Variants in FMN2 observed in about 807,000 individuals in gnomAD.
The protein encoded by FMN2 is formin 2, also known as formin-2.
FMN2 carries 51 observed loss-of-function variants against 142.3 expected under a neutral mutation model. That is an observed-to-expected ratio of 0.36 (90% CI 0.29 to 0.45). The LOEUF is 0.45. Ranked by LOEUF, FMN2 falls within the 20% of genes least tolerant of loss-of-function variation. The probability of loss-of-function intolerance (pLI) is 1.00; values close to 1 mark genes in which losing one functional copy is unlikely to be tolerated. For synonymous variants in FMN2, 882 were observed against 869.8 expected (o/e 1.01, Z -0.25); for missense variants, 1,936 against 2,122.8 (o/e 0.91, Z 1.73).
chr1:240,330,938 G>A (rs1671353555), intron 11 of FMN2, among the ~76,000 whole-genome samples, 189 bp downstream of exon 11: 1 of 152,008 alleles, frequency 6.6e-6, no homozygotes, highest in Non-Finnish European at 1.5e-5. Flanking sequence ...TTCCTAAAGT[G>A]AATAATTTTC....
chr1:240,448,733 A>T (rs2103203063), intron 16 of FMN2, among the ~76,000 whole-genome samples: 1 of 152,260 alleles, frequency 6.6e-6, no homozygotes, highest in East Asian at 1.9e-4. Context: ...AGGCAGGAGA[A>T]TCACTTGAGC....
intron 2 of FMN2, among the ~76,000 whole-genome samples, chr1:240,151,965 C>G (rs1663797389): frequency 6.6e-6 from 1 of 151,924 alleles, no homozygotes; most frequent in Non-Finnish European, 1.5e-5. Flanking sequence ...TGGGGTTTTG[C>G]CATGTTGCCC....
intron 2 of FMN2, chr1:240,143,397 C>T (rs866871694): frequency 4.5e-5 from 64 of 1,431,662 alleles, no homozygotes; most frequent in Non-Finnish European, 5.9e-5. Context: ...CAATCTCCCC[C>T]ACAGCAATAA....
chr1:240,196,219 T>C lies in FMN2; in HGVS notation c.1986+7957T>C, dbSNP rs114582145. Among the ~76,000 whole-genome samples the C allele has an allele frequency of 1.8e-3, 270 of 152,306 alleles. 3 individuals are homozygous for C. The highest frequency in any genetic ancestry group is 6.2e-3 in the African/African-American group (258 of 41,568). On this transcript the variant is annotated intron_variant, in intron 4 of 17. Transcript: ENST00000319653. The stretch of plus-strand genomic sequence containing the variant: ...AAGGAACAATTACCTGGCAAGGGAA[T>C]GTAGAATGATAGGAAGAGGGAGAGT...
At chr1:240,422,152 A>G (rs1366050953) in intron 15 of FMN2, among the ~76,000 whole-genome samples, 1 of 152,176 alleles carries the variant, frequency 6.6e-6, no homozygotes. Flanking sequence ...CTTGATTACT[A>G]TAGCTTTATA....
intron 2 of FMN2, among the ~76,000 whole-genome samples, chr1:240,163,572 A>T (rs1664366607): frequency 6.6e-6 from 1 of 152,048 alleles, no homozygotes; most frequent in Non-Finnish European, 1.5e-5. Flanking sequence ...TAGTAATCTT[A>T]ATCATTTTTA....
At chr1:240,241,283 G>A (rs7516966) in intron 6 of FMN2, among the ~76,000 whole-genome samples, 105,043 of 146,320 alleles carry the variant, frequency 0.72, 38,487 homozygotes, top group African/African-American at 0.88. Context: ...AAATGTTTCA[G>A]CTTTTTCTAA....
intron 8 of FMN2, among the ~76,000 whole-genome samples, chr1:240,312,039 G>A (rs1030501552): frequency 3.9e-5 from 6 of 152,148 alleles, no homozygotes; most frequent in Non-Finnish European, 8.8e-5. Flanking sequence ...ACATCCAAAA[G>A]GCTGACATTG....
intron 8 of FMN2, among the ~76,000 whole-genome samples, chr1:240,301,259 A>G (rs1382176823): frequency 6.6e-6 from 1 of 151,100 alleles, no homozygotes. Context: ...TTTATACTCT[A>G]CTTAGATAGA....
chr1:240,412,314 A>G (rs918932476), intron 15 of FMN2, among the ~76,000 whole-genome samples: 6 of 152,202 alleles, frequency 3.9e-5, no homozygotes, highest in African/African-American at 1.4e-4. Context: ...ACTTTGAGTA[A>G]TTGGGTCAGG....
At chr1:240,437,292 C>CTTTTTTTTT (rs10649766) in intron 15 of FMN2, among the ~76,000 whole-genome samples, 7 of 117,376 alleles carry the variant, frequency 6.0e-5, no homozygotes, top group East Asian at 5.8e-4. Flanking sequence ...GCATCTCTTG[C>CTTTTTTTTT]TTTTTTTTTT....
At chr1:240,186,326 C>T (rs975413496) in intron 3 of FMN2, among the ~76,000 whole-genome samples, 4 of 152,228 alleles carry the variant, frequency 2.6e-5, no homozygotes, top group South Asian at 2.1e-4. Flanking sequence ...CCTACAATTA[C>T]TCAACAAATA....
At chr1:240,113,971 G>A (rs1274970414) in intron 1 of FMN2, among the ~76,000 whole-genome samples, 2 of 152,146 alleles carry the variant, frequency 1.3e-5, no homozygotes, top group East Asian at 3.8e-4. Flanking sequence ...GTAAGTAAAT[G>A]TTTTTAATAG....
intron 3 of FMN2, among the ~76,000 whole-genome samples, chr1:240,180,012 C>A (rs1572026764): frequency 6.6e-6 from 1 of 152,032 alleles, no homozygotes. Context: ...AATGTGATAA[C>A]CTGAATTTTA....
intron 13 of FMN2, among the ~76,000 whole-genome samples, chr1:240,334,753 A>G (rs1671504779): frequency 6.6e-6 from 1 of 152,226 alleles, no homozygotes; most frequent in South Asian, 2.1e-4. Context: ...TCAAATTTCT[A>G]AATTAAAAGT....
intron 8 of FMN2, among the ~76,000 whole-genome samples, chr1:240,322,630 G>A (rs533978524): frequency 3.3e-5 from 5 of 152,168 alleles, no homozygotes; most frequent in Non-Finnish European, 1.5e-5. Flanking sequence ...GTTGGAAGAG[G>A]GTCTTTCCTC....
chr1:240,384,588 C>T (rs1673352576), intron 14 of FMN2, among the ~76,000 whole-genome samples: 1 of 152,050 alleles, frequency 6.6e-6, no homozygotes, highest in African/African-American at 2.4e-5. Flanking sequence ...AAGACTTGTT[C>T]ATCATTTTAG....
rs1055616878 is a variant in FMN2 at position 240,093,162 on chromosome 1, G to A, written c.1053G>A (p.Glu351=). The change falls in exon 1 of 18, where the codon GAG becomes GAA. Residue 351 remains glutamate, a synonymous_variant. Coordinates refer to ENST00000319653, the MANE Select transcript of FMN2 (RefSeq NM_020066.5). ...GGGACACGGATGAGGAGGGTGAGGA[G>A]GATGCTTTTGAGGATGCGCCCCGGG... ...GAGDTDEEGE[E]DAFEDAPRGS... is the part of the protein sequence containing the mutation. 6 of 1,442,750 alleles carry A rather than the reference G, an allele frequency of 4.2e-6. No homozygotes were observed. The African/African-American group carries it at 8.7e-5, about 21-fold the overall frequency. The allele number at this position is 1,442,750 out of a possible 1,614,324, so 89.4% of individuals were successfully genotyped here.
rs1676878822 is a variant in FMN2 at position 240,473,559 on chromosome 1, G to A, written c.5143-569G>A. 6.6e-6 allele frequency among the ~76,000 whole-genome samples: 1 copy of A among 151,522 alleles called. No homozygotes were observed. Among genetic ancestry groups the A allele is most frequent in the African/African-American group, 2.4e-5 (1 of 41,272 alleles). On this transcript the variant is annotated intron_variant, in intron 17 of 17. Transcript: ENST00000319653. This position sits in a 1 kb window ranked among gnomAD's most constrained non-coding sequence, Gnocchi z 4.3. ...AATTGGGATATGATTAAATAGCCCT[G>A]TTTTTTTTTAAAAAGTTAGGAATTA...
Sources: allele counts gnomAD v4.1 joint callset (sites outside exome capture counted in the v4.1 genomes callset), GRCh38; gene constraint gnomAD v4.1.1; non-coding constraint Gnocchi (gnomAD v3.1); transcripts MANE v1.5; gene names NCBI Gene and HGNC (gene_info 2026-07-23, HGNC 2026-07-21).